GLRB: variants seen among roughly 807,000 people sequenced by gnomAD.
GLRB encodes glycine receptor subunit beta.
Under a neutral mutation model 54.2 loss-of-function variants are expected in GLRB, and 33 were observed. That is an observed-to-expected ratio of 0.61 (90% CI 0.46 to 0.81). GLRB has a LOEUF of 0.81. Among genes scored for constraint, GLRB ranks in the 40% least tolerant of loss-of-function variants. GLRB has a pLI of 0.00. For missense variants in GLRB, 572 were observed against 584.6 expected (o/e 0.98, Z 0.22); for synonymous variants, 209 against 208.2 (o/e 1.00, Z -0.03).
intron 9 of GLRB, among the ~76,000 whole-genome samples, chr4:157,163,693 C>T (rs1737602041): frequency 1.3e-5 from 2 of 152,162 alleles, no homozygotes; most frequent in African/African-American, 2.4e-5. Flanking sequence ...CACTTGCTGG[C>T]TTCTTTAGCT....
intron 2 of GLRB, among the ~76,000 whole-genome samples, chr4:157,099,952 A>T (rs1249664090): frequency 6.6e-6 from 1 of 152,152 alleles, no homozygotes; most frequent in Admixed American, 6.5e-5. Context: ...CTTATTTTTC[A>T]AAATGACTTT....
chr4:157,135,727 T>A (rs755626919), intron 4 of GLRB, among the ~76,000 whole-genome samples: 7 of 152,260 alleles, frequency 4.6e-5, no homozygotes, highest in African/African-American at 1.4e-4. Context: ...AATAGAATAA[T>A]TTTCAGTGTG....
At chr4:157,092,072 C>A in intron 2 of GLRB, among the ~76,000 whole-genome samples, 1 of 55,994 alleles carries the variant, frequency 1.8e-5, no homozygotes, top group East Asian at 6.1e-4. Flanking sequence ...TTCTAGCTGA[C>A]TGTTACTGAC....
At chr4:157,125,032 A>G (rs1341178710) in intron 4 of GLRB, among the ~76,000 whole-genome samples, 2 of 151,950 alleles carry the variant, frequency 1.3e-5, no homozygotes, top group Non-Finnish European at 2.9e-5. Flanking sequence ...AGCATAAGTC[A>G]TTATAGATAC....
chr4:157,164,546 C>T (rs77025869), intron 9 of GLRB, among the ~76,000 whole-genome samples: 7,171 of 152,188 alleles, frequency 0.047, 181 homozygotes, highest in African/African-American at 0.056. Context: ...GTAATCCCTA[C>T]GATCAGCTCC....
intron 2 of GLRB, among the ~76,000 whole-genome samples, chr4:157,105,146 A>G (rs1395138354): frequency 6.6e-6 from 1 of 150,644 alleles, no homozygotes; most frequent in Non-Finnish European, 1.5e-5. Flanking sequence ...TATATATTTG[A>G]GTTATATCTT....
chr4:157,109,003 A>G (rs1735324551), intron 2 of GLRB, among the ~76,000 whole-genome samples: 1 of 152,072 alleles, frequency 6.6e-6, no homozygotes, highest in Non-Finnish European at 1.5e-5. Context: ...GATTGTTAGC[A>G]TTTTTTAGTG....
chr4:157,092,461 A>C (rs1433276275), intron 2 of GLRB, among the ~76,000 whole-genome samples: 1 of 152,244 alleles, frequency 6.6e-6, no homozygotes, highest in Admixed American at 6.5e-5. Flanking sequence ...TAAAGAGTTC[A>C]AAGTGGTTTT....
At chr4:157,103,163 A>C (rs1006346943) in intron 2 of GLRB, among the ~76,000 whole-genome samples, 7 of 151,950 alleles carry the variant, frequency 4.6e-5, no homozygotes, top group African/African-American at 1.2e-4. Flanking sequence ...AAAACAAAAA[A>C]AAAAAAAAAA....
intron 4 of GLRB, among the ~76,000 whole-genome samples, chr4:157,134,312 T>A (rs1423725125): frequency 6.6e-6 from 1 of 152,024 alleles, no homozygotes; most frequent in African/African-American, 2.4e-5. Flanking sequence ...ATCCTAGTAC[T>A]TTGTGAGACC....
At chr4:157,164,144 A>ATTT (rs200742243) in intron 9 of GLRB, among the ~76,000 whole-genome samples, 1 of 144,982 alleles carries the variant, frequency 6.9e-6, no homozygotes, top group Non-Finnish European at 1.5e-5. Context: ...CTTTACCAGT[A>ATTT]TTTTTTTTTT....
intron 8 of GLRB, among the ~76,000 whole-genome samples, chr4:157,146,807 T>G (rs1021908494): frequency 6.6e-6 from 1 of 150,432 alleles, no homozygotes; most frequent in Non-Finnish European, 1.5e-5. Context: ...GGCAACAGAG[T>G]GAGACTCCAT....
intron 2 of GLRB, among the ~76,000 whole-genome samples, chr4:157,080,378 T>C (rs1480827394): frequency 2.0e-5 from 3 of 152,154 alleles, no homozygotes; most frequent in Non-Finnish European, 4.4e-5. Flanking sequence ...TTATTAACAG[T>C]TGTGATGTGA....
Position 157,165,640 on chromosome 4 carries a change from T to C in GLRB, c.1198-4792T>C, listed in dbSNP as rs990349768. 2.4e-4 allele frequency among the ~76,000 whole-genome samples: 37 copies of C among 152,144 alleles called. 1 individual carries two copies. Among genetic ancestry groups the C allele is most frequent in the African/African-American group, 8.9e-4 (37 of 41,580 alleles). ...ATATAATTGTCTGGAGGATTTTTTTTCCCAGTAAAAGTGGTGCTTTTTCAG... is the reference window on the plus strand; with the variant it reads ...ATATAATTGTCTGGAGGATTTTTTTCCCCAGTAAAAGTGGTGCTTTTTCAG... On this transcript the variant is annotated intron_variant, in intron 9 of 9. Coordinates refer to ENST00000264428, the MANE Select transcript of GLRB (RefSeq NM_000824.5).
chr4:157,161,855 T>C (rs2126622921), intron 9 of GLRB, among the ~76,000 whole-genome samples: 1 of 152,310 alleles, frequency 6.6e-6, no homozygotes, highest in East Asian at 1.9e-4. Flanking sequence ...TTCTCTGTAT[T>C]TCCTGAATTT....
intron 2 of GLRB, among the ~76,000 whole-genome samples, chr4:157,118,139 C>G (rs1735672703): frequency 6.6e-6 from 1 of 151,594 alleles, no homozygotes; most frequent in Non-Finnish European, 1.5e-5. Flanking sequence ...GCAGAAAAAT[C>G]AGCTGGAAAG....
intron 9 of GLRB, among the ~76,000 whole-genome samples, chr4:157,169,705 A>G (rs1359902894): frequency 2.0e-5 from 3 of 152,246 alleles, no homozygotes; most frequent in Admixed American, 1.3e-4. Flanking sequence ...CCATGTTGTA[A>G]CTGTAATTAT....
chr4:157,170,806 A>G lies in GLRB; in HGVS notation c.*78A>G. 1 of 822,096 alleles carries G rather than the reference A, an allele frequency of 1.2e-6. No homozygotes were observed. Among genetic ancestry groups the G allele is most frequent in the Non-Finnish European group, 1.9e-6 (1 of 539,736 alleles). The allele number at this position is 822,096 out of a possible 1,614,324, so 50.9% of individuals were successfully genotyped here. A position where few individuals can be genotyped will look rare whatever the true frequency, so the allele number is the denominator to read the frequency against. Reference sequence around the variant, plus strand: ...CTTTCATAAATGCCAATCTGTGAGAACTTTTGAATTTTCATAGCAACATTG... The same window carrying G: ...CTTTCATAAATGCCAATCTGTGAGAGCTTTTGAATTTTCATAGCAACATTG... On this transcript the variant is annotated 3_prime_UTR_variant, in exon 10 of 10. Transcript: ENST00000264428.
At chr4:157,169,867 T>C (rs1737851516) in intron 9 of GLRB, among the ~76,000 whole-genome samples, 1 of 152,144 alleles carries the variant, frequency 6.6e-6, no homozygotes, top group African/African-American at 2.4e-5. Context: ...AAGTTGGGAA[T>C]GCCTATCACT....
Sources: allele counts gnomAD v4.1 joint callset (sites outside exome capture counted in the v4.1 genomes callset), GRCh38; gene constraint gnomAD v4.1.1; transcripts MANE v1.5; gene names NCBI Gene and HGNC (gene_info 2026-07-23, HGNC 2026-07-21).